The following INPP5J variants were observed in gnomAD, a reference collection of about 807,000 sequenced individuals.
The protein encoded by INPP5J is phosphatidylinositol 4,5-bisphosphate 5-phosphatase A.
In INPP5J, 75 loss-of-function variants were observed where a neutral mutation model predicts 86.6. That is an observed-to-expected ratio of 0.87 (90% CI 0.72 to 1.05). The LOEUF is 1.05. Among genes scored for constraint, INPP5J ranks in the 50% least tolerant of loss-of-function variants. The pLI is 0.00. For missense variants in INPP5J, 1,229 were observed against 1,341.2 expected, an observed-to-expected ratio of 0.92 and a Z score of 1.31; for synonymous variants, 540 against 550.0, an observed-to-expected ratio of 0.98 and a Z score of 0.25.
chr22:31,128,602 T>C lies in INPP5J; in HGVS notation c.2141T>C (p.Met714Thr), dbSNP rs1460292491. ...QVTQHSYRSH[M>T]EYTVSDHKPV... ...ACGCAGCACAGCTACCGCAGCCACA[T>C]GGAATACACAGTCAGCGACCACAAG... Residue 714 changes from methionine (M) to threonine (T), a missense_variant, in exon 9 of 13, where the codon ATG becomes ACG. Transcript: ENST00000331075. 2 of 1,611,918 alleles carry C rather than the reference T, an allele frequency of 1.2e-6. No individual in the cohort carries two copies. Among genetic ancestry groups the C allele is most frequent in the South Asian group, 2.2e-5 (2 of 90,854 alleles).
Position 31,125,464 on chromosome 22 carries a change from C to G in INPP5J, c.725C>G (p.Ala242Gly). 1 of 1,550,692 alleles carries G rather than the reference C, an allele frequency of 6.4e-7. No individual in the cohort carries two copies. The highest frequency in any genetic ancestry group is 8.7e-7 in the Non-Finnish European group (1 of 1,147,008). ...QTSARKRDAP[A>G]PRPLPASEGH... ...TCAGCTAGAAAGAGGGATGCCCCAGCCCCTAGACCTCTCCCTGCTTCTGAG... is the reference window on the plus strand; with the variant it reads ...TCAGCTAGAAAGAGGGATGCCCCAGGCCCTAGACCTCTCCCTGCTTCTGAG... The change falls in exon 2 of 13, where the codon GCC becomes GGC. Residue 242 changes from alanine to glycine, a missense_variant. By Grantham distance (60) the Ala-to-Gly change is moderately conservative (BLOSUM62 0). Transcript: ENST00000331075.
intron 9 of INPP5J, among the ~76,000 whole-genome samples, chr22:31,129,233 T>G (rs1174014540): frequency 1.0e-4 from 2 of 20,078 alleles, no homozygotes; most frequent in Non-Finnish European, 1.4e-4. Flanking sequence ...TCTGGCCAAC[T>G]TTTTTTTTTT....
In INPP5J at chr22:31,133,949, A is replaced by G; in HGVS notation, c.2551A>G (p.Thr851Ala). Residue 851 changes from threonine (T) to alanine (A), a missense_variant, in exon 13 of 13, where the codon ACA becomes GCA. Physicochemically the swap from Thr to Ala is moderately conservative, Grantham distance 58. Transcript: ENST00000331075. Reference sequence around the variant, plus strand: ...TTCCTCGGAGTTGGCCAGCAGCAGCACAGACAGCTCAGGCACCAGCTCAGA... The same window carrying G: ...TTCCTCGGAGTTGGCCAGCAGCAGCGCAGACAGCTCAGGCACCAGCTCAGA... ...LPSSELASSS[T>A]DSSGTSSEGE... 6.2e-7 allele frequency: 1 copy of G among 1,613,262 alleles called. No homozygotes were observed. The highest frequency in any genetic ancestry group is 8.5e-7 in the Non-Finnish European group (1 of 1,179,824).
At position 31,125,318 on chromosome 22, in the gene INPP5J, G is replaced by A. The variant is rs1317234818; in HGVS notation, c.579G>A (p.Glu193=). 1 of 1,550,488 alleles carries A rather than the reference G, an allele frequency of 6.4e-7. No homozygotes were observed. Among genetic ancestry groups the A allele is most frequent in the South Asian group, 1.2e-5 (1 of 84,062 alleles). The change falls in exon 2 of 13, where the codon GAG becomes GAA. Residue 193 remains glutamate (E), a synonymous_variant. Transcript: ENST00000331075. ...SGLSLALASE[E]QPPELPSTPS... ...TGAGCCTGGCCCTGGCTTCTGAGGAGCAGCCCCCAGAACTCCCCTCCACCC... is the reference window on the plus strand; with the variant it reads ...TGAGCCTGGCCCTGGCTTCTGAGGAACAGCCCCCAGAACTCCCCTCCACCC...
At chr22:31,124,399 A>G (rs1921148099) in intron 1 of INPP5J, 1 of 793,346 alleles carries the variant, frequency 1.3e-6, no homozygotes. Flanking sequence ...TCTTGACAAT[A>G]GAAAAAGAAA....
chr22:31,126,796 G>A, intron 4 of INPP5J, 75 bp downstream of exon 4: 6 of 1,480,276 alleles, frequency 4.1e-6, no homozygotes, highest in South Asian at 1.1e-5. Context: ...CTGGCTCACT[G>A]TGGGGCCCGC....
In INPP5J at chr22:31,134,201, G is replaced by A. The variant is rs1173989165; in HGVS notation, c.2803G>A (p.Gly935Ser). 1.3e-6 allele frequency: 2 copies of A among 1,550,088 alleles called. No individual in the cohort carries two copies. The highest frequency in any genetic ancestry group is 1.7e-6 in the Non-Finnish European group (2 of 1,146,766). Reference protein sequence around the residue: ...PDRSSNGSSRGSSEEGPSGLP... With the variant: ...PDRSSNGSSRSSSEEGPSGLP... The stretch of plus-strand genomic sequence containing the variant: ...CAGGAGCAGTAATGGCAGCAGCCGG[G>A]GCAGTAGTGAAGAGGGGCCCTCTGG... Residue 935 changes from glycine (G) to serine (S), a missense_variant, in exon 13 of 13, where the codon GGC becomes AGC. Physicochemically the swap from Gly to Ser is moderately conservative, Grantham distance 56. Coordinates refer to ENST00000331075, the MANE Select transcript of INPP5J (RefSeq NM_001284285.2).
intron 2 of INPP5J, 99 bp from the exon 3 acceptor site, chr22:31,126,277 C>T: frequency 1.9e-6 from 2 of 1,060,736 alleles, no homozygotes; most frequent in Non-Finnish European, 2.8e-6. Context: ...CTTTGGCCCA[C>T]ACCTGCCTCC....
rs377636950 is a variant in INPP5J, at chr22:31,126,506, T to C, written c.1385+17T>C. ...CGCCATAGGGTGAGGTGGCAGGGCATGTGGACCCCCTCCTGAGCCCCTCGG... is the reference window on the plus strand; with the variant it reads ...CGCCATAGGGTGAGGTGGCAGGGCACGTGGACCCCCTCCTGAGCCCCTCGG... On this transcript the variant is annotated intron_variant, in intron 3 of 12. Coordinates refer to ENST00000331075, the MANE Select transcript of INPP5J (RefSeq NM_001284285.2). 10 of 1,611,052 alleles carry C rather than the reference T, an allele frequency of 6.2e-6. No individual in the cohort carries two copies. The highest frequency in any genetic ancestry group is 8.5e-6 in the Non-Finnish European group (10 of 1,177,754).
chr22:31,122,816 G>A, upstream of INPP5J: 1 of 484,438 alleles, frequency 2.1e-6, no homozygotes, highest in Non-Finnish European at 3.6e-6. Context: ...CCCACTCCAT[G>A]GCTGTTCCAG....
intron 6 of INPP5J, 125 bp downstream of exon 6, chr22:31,127,657 T>C: frequency 1.0e-6 from 1 of 980,110 alleles, no homozygotes; most frequent in Non-Finnish European, 1.5e-6. Flanking sequence ...CCCAAACTAG[T>C]TGTAGGAACA....
chr22:31,127,968 G>A lies in INPP5J; in HGVS notation c.1805G>A (p.Gly602Glu). The A allele has an allele frequency of 6.2e-7, 1 of 1,611,110 alleles. No homozygotes were observed. Among genetic ancestry groups the A allele is most frequent in the Non-Finnish European group, 8.5e-7 (1 of 1,179,034 alleles). Residue 602 changes from glycine (G) to glutamate (E), a missense_variant, in exon 7 of 13, where the codon GGG becomes GAG. Gly to Glu is a moderately conservative substitution (Grantham distance 98). Coordinates refer to ENST00000331075, the MANE Select transcript of INPP5J (RefSeq NM_001284285.2). ...CCAAACAGCCTCGTGTTCTGGTTCGGGGACCTGAACTTCCGCATTGAGAGC... is the reference window on the plus strand; with the variant it reads ...CCAAACAGCCTCGTGTTCTGGTTCGAGGACCTGAACTTCCGCATTGAGAGC... The part of the protein sequence containing the change: ...ILDHDLVFWF[G>E]DLNFRIESYD...
At chr22:31,127,218 C>A in intron 5 of INPP5J, 139 bp from the exon 6 acceptor site, 1 of 859,984 alleles carries the variant, frequency 1.2e-6, no homozygotes, top group Non-Finnish European at 1.8e-6. Context: ...TTTTCTCTCC[C>A]CACTGTGTCC....
chr22:31,123,093 G>A lies in INPP5J; in HGVS notation c.79G>A (p.Val27Ile). 2.0e-6 allele frequency: 3 copies of A among 1,483,812 alleles called. No homozygotes were observed. The highest frequency in any genetic ancestry group is 2.7e-6 in the Non-Finnish European group (3 of 1,120,996). 91.9% of individuals were successfully genotyped at this position (1,483,812 alleles called of 1,614,324 possible). The change falls in exon 1 of 13, where the codon GTT becomes ATT. Residue 27 changes from valine (V) to isoleucine (I), a missense_variant. Physicochemically the swap from Val to Ile is conservative, Grantham distance 29. Coordinates refer to ENST00000331075, the MANE Select transcript of INPP5J (RefSeq NM_001284285.2). ...GGGTTCCCTGCCCATGCCCCAGGGT[G>A]TTGCCCAAACTGGGGCACCCTCCAA... ...GLGSLPMPQGVAQTGAPSKVD... is the reference protein window; with the variant it reads ...GLGSLPMPQGIAQTGAPSKVD...
chr22:31,126,648 T>G lies in INPP5J; in HGVS notation c.1421T>G (p.Leu474Arg), dbSNP rs761761925. The change falls in exon 4 of 13, where the codon CTC becomes CGC. Residue 474 changes from leucine to arginine, a missense_variant. Coordinates refer to ENST00000331075, the MANE Select transcript of INPP5J (RefSeq NM_001284285.2). Reference protein sequence around the residue: ...QEVNSMLNKRLKDALFTDQWS... With the variant: ...QEVNSMLNKRRKDALFTDQWS... Reference sequence around the variant, plus strand: ...GTGAACTCCATGCTCAACAAGCGACTCAAGGACGCCCTCTTCACGGACCAG... The same window carrying G: ...GTGAACTCCATGCTCAACAAGCGACGCAAGGACGCCCTCTTCACGGACCAG... 1 of 1,613,814 alleles carries G rather than the reference T, an allele frequency of 6.2e-7. No individual in the cohort carries two copies. Among genetic ancestry groups the G allele is most frequent in the East Asian group, 2.2e-5 (1 of 44,856 alleles).
Position 31,125,011 on chromosome 22 carries a change from C to A in INPP5J, c.272C>A (p.Thr91Asn), listed in dbSNP as rs781087339. 1.3e-5 allele frequency: 20 copies of A among 1,566,068 alleles called. No individual in the cohort carries two copies. The highest frequency in any genetic ancestry group is 1.7e-5 in the Non-Finnish European group (20 of 1,155,500). ...CGACCAATCCTGGCTCCACTGTGTACCCCTGAAGGGCAGAAAACAGCTACT... is the reference window on the plus strand; with the variant it reads ...CGACCAATCCTGGCTCCACTGTGTAACCCTGAAGGGCAGAAAACAGCTACT... ...SPRPILAPLC[T>N]PEGQKTATAH... The change falls in exon 2 of 13, where the codon ACC becomes AAC. Residue 91 changes from threonine (T) to asparagine (N), a missense_variant. Thr to Asn is a moderately conservative substitution (Grantham distance 65). Transcript: ENST00000331075.
chr22:31,128,181 G>C, intron 7 of INPP5J, 33 bp from the exon 8 acceptor site: 1 of 1,525,468 alleles, frequency 6.6e-7, no homozygotes, highest in South Asian at 1.2e-5. Flanking sequence ...AGCCCAAGCT[G>C]TTGTCCAATC....
chr22:31,130,048 A>C (rs1316513387), intron 9 of INPP5J, among the ~76,000 whole-genome samples: 1 of 152,072 alleles, frequency 6.6e-6, no homozygotes, highest in Non-Finnish European at 1.5e-5. Context: ...TCTTTAAAAA[A>C]AATCAAAAAA....
rs1404917980 is a variant in INPP5J at position 31,125,100 on chromosome 22, G to A, written c.361G>A (p.Gly121Arg). 1.3e-6 allele frequency: 2 copies of A among 1,549,748 alleles called. No individual in the cohort carries two copies. Among genetic ancestry groups the A allele is most frequent in the Middle Eastern group, 1.7e-4 (1 of 5,994 alleles). ...CCAGCTGGTGATGTCTGCCTCAGCT[G>A]GACCAAAGCCTCCCCCAGCGACCAC... ...VGQLVMSASA[G>R]PKPPPATTGS... is the part of the protein sequence containing the mutation. Residue 121 changes from glycine (G) to arginine (R), a missense_variant, in exon 2 of 13, where the codon GGA becomes AGA. By Grantham distance (125) the Gly-to-Arg change is moderately radical. Transcript: ENST00000331075.
Sources: gnomAD v4.1 joint callset for allele counts (sites outside exome capture counted in the v4.1 genomes callset) on GRCh38, gnomAD v4.1.1 for gene constraint, MANE v1.5 for transcripts, NCBI Gene and HGNC (gene_info 2026-07-23, HGNC 2026-07-21) for gene names.